The following U2AF2 variants were observed in gnomAD, a reference collection of about 807,000 sequenced individuals.
The protein encoded by U2AF2 is U2 small nuclear RNA auxiliary factor 2, also known as splicing factor U2AF 65 kDa subunit.
U2AF2 carries 6 observed loss-of-function variants against 52.6 expected under a neutral mutation model. The ratio of observed to expected loss-of-function variants is 0.11; its 90% CI spans 0.06 to 0.23. The LOEUF is 0.23. Ranked by LOEUF, U2AF2 falls within the 10% of genes least tolerant of loss-of-function variation. The pLI, the probability that U2AF2 is intolerant of heterozygous loss-of-function variation, is 1.00. For missense variants in U2AF2, 222 were observed against 677.1 expected (o/e 0.33, Z 7.46); for synonymous variants, 284 against 258.2 (o/e 1.10, Z -0.96).
At chr19:55,663,519 G>A (rs1984351817) in intron 6 of U2AF2, 87 bp from the exon 7 acceptor site, 4 of 1,532,340 alleles carry the variant, frequency 2.6e-6, no homozygotes, top group Non-Finnish European at 3.5e-6. Context: ...ATGAGTGAAA[G>A]GAAAGAGGAA....
chr19:55,673,199 G>C (rs1196908418), intron 11 of U2AF2, among the ~76,000 whole-genome samples: 1 of 152,198 alleles, frequency 6.6e-6, no homozygotes, highest in Non-Finnish European at 1.5e-5. Flanking sequence ...GATTACAGGC[G>C]TGAGCCACTG....
chr19:55,674,225 GC>G lies in U2AF2; in HGVS notation c.*158del. ...GAATGGCAGCAATTAAGGGTGGGGG[GC>G]GGGGGTTGGGGGGTTGGGGGGTTAG... On this transcript the variant is annotated 3_prime_UTR_variant, in exon 12 of 12. Transcript: ENST00000308924. 2 of 579,858 alleles carry G rather than the reference GC, an allele frequency of 3.4e-6. No homozygotes were observed. Among genetic ancestry groups the G allele is most frequent in the Non-Finnish European group, 5.8e-6 (2 of 346,456 alleles). The allele number at this position is 579,858 out of a possible 1,614,324, so 35.9% of individuals were successfully genotyped here. A position where few individuals can be genotyped will look rare whatever the true frequency, so the allele number is the denominator to read the frequency against.
In U2AF2 at chr19:55,655,153, G is replaced by C. The variant is rs1258906228; in HGVS notation, c.49G>C (p.Glu17Gln). The change falls in exon 1 of 12, where the codon GAG becomes CAG. Residue 17 changes from glutamate (E) to glutamine (Q), a missense_variant and splice_region_variant. Glu to Gln is a conservative substitution (Grantham distance 29). This residue lies in a region of U2AF2 where 100 missense variants were observed against 144.1 expected (regional missense o/e 0.69). Coordinates refer to ENST00000308924, the MANE Select transcript of U2AF2 (RefSeq NM_007279.3). ...GCGGCAGCTCAACGAGAATAAACAA[G>C]GTGAGGGCACCGGGGTCGCGGGGCG... ...FERQLNENKQ[E>Q]RDKENRHRKR... 1.2e-6 allele frequency: 2 copies of C among 1,603,566 alleles called. No individual in the cohort carries two copies. The highest frequency in any genetic ancestry group is 2.3e-5 in the East Asian group (1 of 43,166).
Position 55,668,925 on chromosome 19 carries a change from C to A in U2AF2, c.945+133C>A. On this transcript the variant is annotated intron_variant, in intron 9 of 11. Coordinates refer to ENST00000308924, the MANE Select transcript of U2AF2 (RefSeq NM_007279.3). The surrounding 1 kb of genome is among the most constrained non-coding windows in gnomAD (Gnocchi z 5.5). ...TGAGGCAGTGCCCTGTGTGTGGGCT[C>A]GTCCCTGTCCCATGGCGTTGGCTTT... 6.6e-7 allele frequency: 1 copy of A among 1,504,936 alleles called. No homozygotes were observed. Among genetic ancestry groups the A allele is most frequent in the Non-Finnish European group, 8.9e-7 (1 of 1,118,922 alleles). The allele number at this position is 1,504,936 out of a possible 1,614,324, so 93.2% of individuals were successfully genotyped here. A position where few individuals can be genotyped will look rare whatever the true frequency, so the allele number is the denominator to read the frequency against.
chr19:55,660,270 C>A, intron 3 of U2AF2, 49 bp downstream of exon 3: 1 of 1,593,500 alleles, frequency 6.3e-7, no homozygotes, highest in Non-Finnish European at 8.6e-7. Flanking sequence ...CTCCCTTCAC[C>A]TTCCTCACGC....
chr19:55,656,958 G>A (rs1432263348), intron 1 of U2AF2, among the ~76,000 whole-genome samples: 2 of 152,236 alleles, frequency 1.3e-5, no homozygotes, highest in African/African-American at 2.4e-5. Flanking sequence ...CACCTGGATG[G>A]AGTAGATACG....
intron 11 of U2AF2, chr19:55,671,253 G>A (rs1984901060): frequency 6.6e-6 from 1 of 152,198 alleles, no homozygotes; most frequent in Non-Finnish European, 1.5e-5. Context: ...GGAGACTTGT[G>A]CCTGGGAAGT....
Position 55,660,160 on chromosome 19 carries a change from T to TCCCCCCC in U2AF2, c.186-14_186-13insCCCCCCC. On this transcript the variant is annotated splice_polypyrimidine_tract_variant and intron_variant, in intron 2 of 11. Transcript: ENST00000308924. ...CCCCAGTCACCCCTCCCCATACCTT[T>TCCCCCCC]CCCTCCCACCCCCCAGCAAACCTTT... The TCCCCCCC allele has an allele frequency of 6.3e-7, 1 of 1,595,014 alleles. No individual in the cohort carries two copies. Among genetic ancestry groups the TCCCCCCC allele is most frequent in the Non-Finnish European group, 8.6e-7 (1 of 1,167,830 alleles).
chr19:55,661,541 CAG>C (rs1984202319), intron 5 of U2AF2, among the ~76,000 whole-genome samples: 1 of 146,396 alleles, frequency 6.8e-6, no homozygotes, highest in South Asian at 2.2e-4. Flanking sequence ...CACACACACA[CAG>C]ACGCACGCTG....
chr19:55,664,905 G>A (rs943324328), intron 7 of U2AF2, among the ~76,000 whole-genome samples: 23 of 152,018 alleles, frequency 1.5e-4, no homozygotes, highest in Admixed American at 8.5e-4. Context: ...TTTAGTAGAG[G>A]GTGGGTTTCA....
intron 1 of U2AF2, among the ~76,000 whole-genome samples, chr19:55,657,878 A>C (rs1000123815): frequency 1.3e-5 from 2 of 152,044 alleles, no homozygotes; most frequent in Non-Finnish European, 2.9e-5. Flanking sequence ...TTCCTTACCC[A>C]TTATGTCAGC....
intron 11 of U2AF2, among the ~76,000 whole-genome samples, chr19:55,672,778 G>A (rs2122132456): frequency 6.7e-6 from 1 of 149,664 alleles, no homozygotes; most frequent in South Asian, 2.1e-4. Flanking sequence ...CCAGGCTGGA[G>A]TGCAGTGTGC....
intron 11 of U2AF2, among the ~76,000 whole-genome samples, chr19:55,670,975 G>C (rs1292365220): frequency 1.3e-5 from 2 of 152,204 alleles, no homozygotes; most frequent in African/African-American, 4.8e-5. Context: ...TTGCCAAAGC[G>C]ATGCCACAGC....
At position 55,669,494 on chromosome 19, in the gene U2AF2, C is replaced by T; in HGVS notation, c.1095C>T (p.Ser365=). ...CCCTGCAAGTGCCGGGCTTGATGAG[C>T]TCCCAGGTGCAGATGGGCGGCCACC... is the stretch of plus-strand genomic sequence containing the variant. ...PVTLQVPGLM[S]SQVQMGGHPT... is the part of the protein sequence containing the mutation. Residue 365 remains serine (S), a synonymous_variant, in exon 11 of 12, where the codon AGC becomes AGT. Coordinates refer to ENST00000308924, the MANE Select transcript of U2AF2 (RefSeq NM_007279.3). 6.2e-7 allele frequency: 1 copy of T among 1,613,736 alleles called. No homozygotes were observed. The highest frequency in any genetic ancestry group is 8.5e-7 in the Non-Finnish European group (1 of 1,179,746).
chr19:55,655,964 C>G (rs1983768028), intron 1 of U2AF2, among the ~76,000 whole-genome samples: 1 of 152,136 alleles, frequency 6.6e-6, no homozygotes, highest in African/African-American at 2.4e-5. Context: ...TACTCAGTCT[C>G]AGATCTCAAT....
intron 11 of U2AF2, chr19:55,672,159 ATTGTT>A (rs1173226704): frequency 6.6e-6 from 1 of 151,654 alleles, no homozygotes; most frequent in African/African-American, 2.4e-5. Flanking sequence ...ACTGCATTGT[ATTGTT>A]TTATTCTTAA....
chr19:55,660,742 C>G, intron 4 of U2AF2, 123 bp downstream of exon 4: 2 of 976,738 alleles, frequency 2.0e-6, no homozygotes, highest in Admixed American at 2.8e-5. Flanking sequence ...TTGCACACCC[C>G]TGGGGGTTCT....
chr19:55,656,744 C>T (rs1042906655), intron 1 of U2AF2, among the ~76,000 whole-genome samples: 50 of 152,172 alleles, frequency 3.3e-4, no homozygotes, highest in African/African-American at 1.2e-3. Context: ...CAGGGCTCAG[C>T]TAGTCAGAGG....
chr19:55,668,029 G>A lies in U2AF2; in HGVS notation c.743-478G>A, dbSNP rs1015487708. The stretch of plus-strand genomic sequence containing the variant: ...TATCTCTTGACCTTGTGATCTGCCC[G>A]CCTTGGCCTCCCAAAGTGCTGAGAT... On this transcript the variant is annotated intron_variant, in intron 7 of 11. Transcript: ENST00000308924. This position sits in a 1 kb window ranked among gnomAD's most constrained non-coding sequence, Gnocchi z 5.5. Among the ~76,000 whole-genome samples, 2 of 152,118 alleles carry A rather than the reference G, an allele frequency of 1.3e-5. No individual in the cohort carries two copies. The highest frequency in any genetic ancestry group is 2.4e-5 in the African/African-American group (1 of 41,416).
Sources: gnomAD v4.1 joint callset for allele counts (sites outside exome capture counted in the v4.1 genomes callset) on GRCh38, gnomAD v4.1.1 for gene constraint, gnomAD v4.1.1 regional missense constraint, Gnocchi (gnomAD v3.1) non-coding constraint, MANE v1.5 for transcripts, NCBI Gene and HGNC (gene_info 2026-07-23, HGNC 2026-07-21) for gene names.